The following APBA2 variants were observed in gnomAD, a reference collection of about 807,000 sequenced individuals.
The protein encoded by APBA2 is amyloid-beta A4 precursor protein-binding family A member 2.
In APBA2, 30 loss-of-function variants were observed where a neutral mutation model predicts 75.0. That is an observed-to-expected ratio of 0.40 (90% confidence interval 0.30 to 0.54). The LOEUF (loss-of-function observed/expected upper bound fraction) is 0.54, where lower values mean the gene tolerates loss of function less well. Ranked by LOEUF, APBA2 falls within the 20% of genes least tolerant of loss-of-function variation. APBA2 has a pLI of 0.49. For synonymous variants in APBA2, 444 were observed against 409.6 expected (o/e 1.08, Z -1.01); for missense variants, 801 against 1,016.1 (o/e 0.79, Z 2.88).
At chr15:29,111,017 G>T (rs947372894) in intron 13 of APBA2, among the ~76,000 whole-genome samples, 2 of 152,098 alleles carry the variant, frequency 1.3e-5, no homozygotes, top group African/African-American at 4.8e-5. Context: ...GCGGAAGGGG[G>T]TTTCTCAGAA....
intron 6 of APBA2, among the ~76,000 whole-genome samples, chr15:29,078,620 A>C (rs138664166): frequency 0.045 from 6,796 of 151,774 alleles, 335 homozygotes; most frequent in African/African-American, 0.12. Context: ...CAAAAAAAAA[A>C]AAAACAAAAC....
intron 2 of APBA2, among the ~76,000 whole-genome samples, chr15:28,964,287 G>A (rs1284892399): frequency 6.6e-6 from 1 of 152,176 alleles, no homozygotes; most frequent in Non-Finnish European, 1.5e-5. Flanking sequence ...ATGTATGGAT[G>A]ATTCAGTTTC....
chr15:29,038,922 T>C (rs923388674), intron 3 of APBA2, among the ~76,000 whole-genome samples: 3 of 152,088 alleles, frequency 2.0e-5, no homozygotes, highest in African/African-American at 7.2e-5. Context: ...TCTGCCCGCC[T>C]TGGCCTCCCA....
intron 3 of APBA2, among the ~76,000 whole-genome samples, chr15:29,011,011 A>AT (rs1181480740): frequency 1.3e-5 from 2 of 152,102 alleles, no homozygotes; most frequent in Non-Finnish European, 2.9e-5. Flanking sequence ...GCAACTTCTC[A>AT]TTCTCCTTGC....
Position 29,046,350 on chromosome 15 carries a change from A to G in APBA2, c.-40-7495A>G. On this transcript the variant is annotated intron_variant, in intron 3 of 14. Coordinates refer to ENST00000683413, the MANE Select transcript of APBA2 (RefSeq NM_001353788.2). This position sits in a 1 kb window ranked among gnomAD's most constrained non-coding sequence, Gnocchi z 5.0. ...CCACACCCCACTTTTGTGTCTTGGG[A>G]ATTATCTGCTGTGCTCTGAATAGCC... Among the ~76,000 whole-genome samples the G allele has an allele frequency of 6.6e-6, 1 of 152,044 alleles. No homozygotes were observed. Among genetic ancestry groups the G allele is most frequent in the East Asian group, 1.9e-4 (1 of 5,182 alleles).
intron 1 of APBA2, among the ~76,000 whole-genome samples, chr15:28,909,826 A>G (rs2033345437): frequency 6.6e-6 from 1 of 152,210 alleles, no homozygotes; most frequent in African/African-American, 2.4e-5. Context: ...CTTCTAAAGG[A>G]TGCTTCTGTG....
intron 3 of APBA2, among the ~76,000 whole-genome samples, chr15:29,018,280 GC>G (rs1315697480): frequency 6.6e-6 from 1 of 152,180 alleles, no homozygotes; most frequent in Non-Finnish European, 1.5e-5. Context: ...ACAGTGCCGG[GC>G]CTCTGGAGAG....
intron 13 of APBA2, among the ~76,000 whole-genome samples, chr15:29,112,396 T>C (rs543818720): frequency 5.2e-4 from 79 of 152,294 alleles, no homozygotes; most frequent in African/African-American, 1.9e-3. Flanking sequence ...GCTGCAGAAA[T>C]CTGGGTGCTG....
Position 28,996,437 on chromosome 15 carries a change from A to G in APBA2, c.-41+631A>G, listed in dbSNP as rs545780376. 4.6e-5 allele frequency among the ~76,000 whole-genome samples: 7 copies of G among 152,284 alleles called. No homozygotes were observed. In the East Asian group the frequency reaches 1.4e-3, roughly 29 times the overall value. Reference sequence around the variant, plus strand: ...CTGAAGACACTGCCCCATGGTCAGCATCTGGCTTGCCCTTGCCCTGTAGGA... The same window carrying G: ...CTGAAGACACTGCCCCATGGTCAGCGTCTGGCTTGCCCTTGCCCTGTAGGA... On this transcript the variant is annotated intron_variant, in intron 3 of 14. Transcript: ENST00000683413.
At chr15:28,953,964 C>T (rs1372311947) in intron 2 of APBA2, among the ~76,000 whole-genome samples, 1 of 152,172 alleles carries the variant, frequency 6.6e-6, no homozygotes, top group Non-Finnish European at 1.5e-5. Flanking sequence ...CAGCGCTTTC[C>T]CTTAGAGTTC....
chr15:29,049,273 AATCACT>A (rs1189358654), intron 3 of APBA2, among the ~76,000 whole-genome samples: 2 of 152,186 alleles, frequency 1.3e-5, no homozygotes, highest in Non-Finnish European at 2.9e-5. Flanking sequence ...AAAACTTGAA[AATCACT>A]GGGGTAACCA....
At position 29,045,100 on chromosome 15, in the gene APBA2, TC is replaced by T. The variant is rs1566940832; in HGVS notation, c.-40-8744del. Among the ~76,000 whole-genome samples, 216 of 140,744 alleles carry T rather than the reference TC, an allele frequency of 1.5e-3. 2 individuals carry two copies. Among genetic ancestry groups the T allele is most frequent in the Non-Finnish European group, 2.6e-3 (178 of 67,304 alleles). The allele number at this position is 140,744 out of a possible 152,430, so 92.3% of individuals were successfully genotyped here. On this transcript the variant is annotated intron_variant, in intron 3 of 14. Transcript: ENST00000683413. The stretch of plus-strand genomic sequence containing the variant: ...CTCTCTCTCTCTCTCTCTCTCTCTC[TC>T]TCGTCTCGCACTGTCACCTGGGCTG...
intron 3 of APBA2, among the ~76,000 whole-genome samples, chr15:29,037,677 A>G (rs1257100519): frequency 6.6e-6 from 1 of 152,098 alleles, no homozygotes; most frequent in Non-Finnish European, 1.5e-5. Context: ...TCCTCTTATA[A>G]CGTAGTACCA....
intron 2 of APBA2, among the ~76,000 whole-genome samples, chr15:28,966,517 T>G (rs917260892): frequency 1.3e-5 from 2 of 152,176 alleles, no homozygotes; most frequent in Non-Finnish European, 2.9e-5. Context: ...TTTCTCATGA[T>G]TAGTGTTGGC....
chr15:28,921,914 T>G (rs2033990926), intron 2 of APBA2, among the ~76,000 whole-genome samples, 165 bp downstream of exon 2: 1 of 152,240 alleles, frequency 6.6e-6, no homozygotes, highest in African/African-American at 2.4e-5. Flanking sequence ...TTTTGCTTTC[T>G]GCTTTCACAA....
chr15:28,987,729 G>GATATAT (rs146348050), intron 2 of APBA2, among the ~76,000 whole-genome samples: 16 of 106,240 alleles, frequency 1.5e-4, no homozygotes, highest in Middle Eastern at 5.1e-3. Flanking sequence ...TGTGGAGAGA[G>GATATAT]ATATATATAT....
rs1326940925 is a variant in APBA2, at chr15:29,117,512, GCAGCCGT to G, written c.*382_*388del. On this transcript the variant is annotated 3_prime_UTR_variant, in exon 15 of 15. Coordinates refer to ENST00000683413, the MANE Select transcript of APBA2 (RefSeq NM_001353788.2). ...CGAGGGACGCGGCTCCCGGGGCAGG[GCAGCCGT>G]CACCCCTGCCTCCCGCCCCCTTGGC... The G allele has an allele frequency of 2.5e-5, 7 of 282,880 alleles. No individual in the cohort carries two copies. The highest frequency in any genetic ancestry group is 4.8e-5 in the Non-Finnish European group (7 of 147,224). 17.5% of individuals were successfully genotyped at this position (282,880 alleles called of 1,614,324 possible). A position where few individuals can be genotyped will look rare whatever the true frequency, so the allele number is the denominator to read the frequency against.
At chr15:28,997,225 G>A (rs1292743908) in intron 3 of APBA2, among the ~76,000 whole-genome samples, 1 of 152,142 alleles carries the variant, frequency 6.6e-6, no homozygotes, top group African/African-American at 2.4e-5. Context: ...CATTCACAAG[G>A]CATTTAAGAG....
chr15:28,992,857 G>C (rs931970497), intron 2 of APBA2, among the ~76,000 whole-genome samples: 2 of 152,230 alleles, frequency 1.3e-5, no homozygotes, highest in Non-Finnish European at 2.9e-5. Context: ...GGAGAGCAGA[G>C]TGTTTTGATA....
Sources: gnomAD v4.1 joint callset for allele counts (sites outside exome capture counted in the v4.1 genomes callset) on GRCh38, gnomAD v4.1.1 for gene constraint, Gnocchi (gnomAD v3.1) non-coding constraint, MANE v1.5 for transcripts, NCBI Gene and HGNC (gene_info 2026-07-23, HGNC 2026-07-21) for gene names.